Variants in FUT8 observed in about 807,000 individuals in gnomAD.
FUT8 encodes alpha-(1,6)-fucosyltransferase.
In FUT8, 29 loss-of-function variants were observed where a neutral mutation model predicts 71.3. The observed-to-expected ratio is 0.41, with a 90% CI of 0.30 to 0.55. The LOEUF (loss-of-function observed/expected upper bound fraction) is 0.55, where lower values mean the gene tolerates loss of function less well. Ranked by LOEUF, FUT8 falls within the 20% of genes least tolerant of loss-of-function variation. The pLI is 0.34. For synonymous variants in FUT8, 254 were observed against 239.3 expected, an observed-to-expected ratio of 1.06 and a Z score of -0.57; for missense variants, 544 against 702.1, an observed-to-expected ratio of 0.77 and a Z score of 2.55.
At chr14:65,462,750 T>C (rs1043251785) in intron 2 of FUT8, among the ~76,000 whole-genome samples, 5 of 152,270 alleles carry the variant, frequency 3.3e-5, no homozygotes, top group African/African-American at 9.6e-5. Context: ...CCCCCTGTGG[T>C]CATGTATGTG....
chr14:65,643,429 C>T lies in FUT8; in HGVS notation c.597+13823C>T, dbSNP rs1334172692. ...CAGCACTTTGGGAGGCCGAGGCAGG[C>T]GGGTCACGAGGTCAGGAGATCGAGA... On this transcript the variant is annotated intron_variant, in intron 6 of 10. Transcript: ENST00000673929. This position sits in a 1 kb window ranked among gnomAD's most constrained non-coding sequence, Gnocchi z 4.5. Among the ~76,000 whole-genome samples the T allele has an allele frequency of 3.3e-5, 5 of 152,098 alleles. No individual in the cohort carries two copies. In the South Asian group the frequency reaches 8.3e-4, roughly 25 times the overall value.
At chr14:65,493,687 G>C (rs8018909) in intron 2 of FUT8, among the ~76,000 whole-genome samples, 18,895 of 152,042 alleles carry the variant, frequency 0.12, 1,521 homozygotes, top group East Asian at 0.38. Context: ...AATTTGCCCA[G>C]CAAAAGGTAG....
In FUT8 at chr14:65,721,765, A is replaced by T; in HGVS notation, c.836-10A>T. On this transcript the variant is annotated splice_polypyrimidine_tract_variant and intron_variant, in intron 7 of 10. Coordinates refer to ENST00000673929, the MANE Select transcript of FUT8 (RefSeq NM_001371533.1). ...CATGTGGTAATGATTATATGTTTCAATATTGTCAGGTGAAGTGAAGGACAA... is the reference window on the plus strand; with the variant it reads ...CATGTGGTAATGATTATATGTTTCATTATTGTCAGGTGAAGTGAAGGACAA... The T allele has an allele frequency of 6.2e-7, 1 of 1,613,854 alleles. No homozygotes were observed. The highest frequency in any genetic ancestry group is 8.5e-7 in the Non-Finnish European group (1 of 1,179,716).
rs959465311 is a variant in FUT8, at chr14:65,652,065, T to C, written c.598-17178T>C. On this transcript the variant is annotated intron_variant, in intron 6 of 10. Coordinates refer to ENST00000673929, the MANE Select transcript of FUT8 (RefSeq NM_001371533.1). The surrounding 1 kb of genome is among the most constrained non-coding windows in gnomAD (Gnocchi z 4.0). ...TCTACAAGCCAAGGAATGACAAGGATGGCTGGCAACCACCAGAAGCCGGGA... is the reference window on the plus strand; with the variant it reads ...TCTACAAGCCAAGGAATGACAAGGACGGCTGGCAACCACCAGAAGCCGGGA... Among the ~76,000 whole-genome samples, 4 of 152,120 alleles carry C rather than the reference T, an allele frequency of 2.6e-5. No homozygotes were observed. The highest frequency in any genetic ancestry group is 9.7e-5 in the African/African-American group (4 of 41,412).
intron 7 of FUT8, among the ~76,000 whole-genome samples, chr14:65,706,534 A>G (rs995391698): frequency 2.0e-5 from 3 of 152,074 alleles, no homozygotes; most frequent in African/African-American, 7.2e-5. Flanking sequence ...AATACTATAA[A>G]CTGGGTGGCC....
chr14:65,387,111 G>A, the FUT8 span, among the ~76,000 whole-genome samples: 1 of 151,960 alleles, frequency 6.6e-6, no homozygotes, highest in Non-Finnish European at 1.5e-5. Flanking sequence ...CAAAGTGCTG[G>A]GATCACAGAC....
intron 3 of FUT8, among the ~76,000 whole-genome samples, chr14:65,598,920 A>AG: frequency 6.6e-6 from 1 of 152,150 alleles, no homozygotes; most frequent in East Asian, 1.9e-4. Context: ...CCTCCTCAGT[A>AG]GCTGGGACTA....
chr14:65,479,452 G>T (rs988619623), intron 2 of FUT8, among the ~76,000 whole-genome samples: 2 of 152,100 alleles, frequency 1.3e-5, no homozygotes, highest in Admixed American at 1.3e-4. Context: ...TTTCTCAGTT[G>T]GTGGAAAGGA....
chr14:65,542,176 T>C (rs927556155), intron 2 of FUT8, among the ~76,000 whole-genome samples: 7 of 152,234 alleles, frequency 4.6e-5, no homozygotes, highest in African/African-American at 1.7e-4. Context: ...GTTATTATTA[T>C]ACTTAATGAG....
chr14:65,693,935 G>A (rs528866498), intron 7 of FUT8, among the ~76,000 whole-genome samples: 2 of 152,318 alleles, frequency 1.3e-5, no homozygotes, highest in South Asian at 4.1e-4. Flanking sequence ...ATCTTTCAAA[G>A]AATTGGTTCA....
chr14:65,633,778 G>A (rs1281166839), intron 6 of FUT8, among the ~76,000 whole-genome samples: 3 of 151,630 alleles, frequency 2.0e-5, no homozygotes, highest in Admixed American at 6.6e-5. Flanking sequence ...GAGCCCCTCC[G>A]CCCGGCAGCC....
intron 1 of FUT8, among the ~76,000 whole-genome samples, chr14:65,436,532 G>A (rs952801259): frequency 6.6e-6 from 1 of 151,982 alleles, no homozygotes; most frequent in Non-Finnish European, 1.5e-5. Context: ...GGGAGGCTGA[G>A]GCAGGAGAAT....
intron 3 of FUT8, among the ~76,000 whole-genome samples, chr14:65,614,985 G>A (rs1182958608): frequency 2.0e-5 from 3 of 152,166 alleles, no homozygotes; most frequent in Admixed American, 2.0e-4. Context: ...GAACAGAGAG[G>A]TTGATAATAT....
rs2066453310 is a variant in FUT8, at chr14:65,489,438, TTA to T, written c.-228+33723_-228+33724del. ...TTTCTCCCTAAAAGTATTGATGTTT[TTA>T]TAGGAATCTCTGCTATCCAGGGATA... On this transcript the variant is annotated intron_variant, in intron 2 of 10. Transcript: ENST00000673929. The surrounding 1 kb of genome is among the most constrained non-coding windows in gnomAD (Gnocchi z 4.0). Among the ~76,000 whole-genome samples, 1 of 152,072 alleles carries T rather than the reference TTA, an allele frequency of 6.6e-6. No homozygotes were observed. Among genetic ancestry groups the T allele is most frequent in the African/African-American group, 2.4e-5 (1 of 41,446 alleles).
rs1333808749 is a variant in FUT8, at chr14:65,643,323, ATATTTAGGTCAT to A, written c.597+13720_597+13731del. 1.3e-5 allele frequency among the ~76,000 whole-genome samples: 2 copies of A among 152,212 alleles called. No homozygotes were observed. The highest frequency in any genetic ancestry group is 3.8e-4 in the East Asian group (2 of 5,198). ...TTATTGAGGGTATAAAAGGGAATAC[ATATTTAGGTCAT>A]TAACATCTGTGACCTGGAAATAAAA... On this transcript the variant is annotated intron_variant, in intron 6 of 10. Transcript: ENST00000673929. The surrounding 1 kb of genome is among the most constrained non-coding windows in gnomAD (Gnocchi z 4.5).
chr14:65,491,473 G>A (rs2066481605), intron 2 of FUT8, among the ~76,000 whole-genome samples: 1 of 152,054 alleles, frequency 6.6e-6, no homozygotes, highest in African/African-American at 2.4e-5. Context: ...AGTCCAGTGG[G>A]AATATCAGCA....
At chr14:65,558,080 C>T (rs888118438) in intron 2 of FUT8, among the ~76,000 whole-genome samples, 10 of 151,796 alleles carry the variant, frequency 6.6e-5, no homozygotes, top group African/African-American at 2.4e-4. Context: ...TCTGTAATCC[C>T]TACACTTTGG....
At chr14:65,463,507 G>T (rs79665113) in intron 2 of FUT8, among the ~76,000 whole-genome samples, 1 of 152,204 alleles carries the variant, frequency 6.6e-6, no homozygotes, top group African/African-American at 2.4e-5. Flanking sequence ...TGCTCAAGCA[G>T]TTCCCCACCT....
intron 2 of FUT8, among the ~76,000 whole-genome samples, chr14:65,537,833 T>A (rs2139944878): frequency 6.6e-6 from 1 of 152,354 alleles, no homozygotes; most frequent in Admixed American, 6.5e-5. Context: ...TAACATGGGT[T>A]CTGTGAACTG....
Sources: gnomAD v4.1 joint callset for allele counts (sites outside exome capture counted in the v4.1 genomes callset) on GRCh38, gnomAD v4.1.1 for gene constraint, Gnocchi (gnomAD v3.1) non-coding constraint, MANE v1.5 for transcripts, NCBI Gene and HGNC (gene_info 2026-07-23, HGNC 2026-07-21) for gene names.